Variants in MYRIP observed in about 807,000 individuals in gnomAD.
MYRIP encodes the protein rab effector MyRIP.
In MYRIP, 49 loss-of-function variants were observed where a neutral mutation model predicts 98.0. The ratio of observed to expected loss-of-function variants is 0.50; its 90% CI spans 0.40 to 0.63. The LOEUF (loss-of-function observed/expected upper bound fraction) is 0.63. Among genes scored for constraint, MYRIP ranks in the 30% least tolerant of loss-of-function variants. The probability of loss-of-function intolerance (pLI) is 0.00; values close to 1 mark genes in which losing one functional copy is unlikely to be tolerated. For synonymous variants in MYRIP, 404 were observed against 409.5 expected (o/e 0.99, Z 0.16); for missense variants, 1,004 against 1,058.2 (o/e 0.95, Z 0.71).
intron 11 of MYRIP, among the ~76,000 whole-genome samples, chr3:40,213,648 T>G (rs1021707742): frequency 2.6e-4 from 39 of 149,338 alleles, no homozygotes; most frequent in Non-Finnish European, 5.0e-4. Flanking sequence ...ACACACTCTT[T>G]GGGGAGTAGA....
intron 10 of MYRIP, among the ~76,000 whole-genome samples, chr3:40,190,764 C>T (rs1319223916): frequency 6.6e-6 from 1 of 152,188 alleles, no homozygotes; most frequent in Non-Finnish European, 1.5e-5. Context: ...AGATTCTGGG[C>T]ATGGGACCCA....
At chr3:39,811,590 C>T (rs2371088) in intron 1 of MYRIP, among the ~76,000 whole-genome samples, 151,809 of 152,030 alleles carry the variant, frequency 1, 75,794 homozygotes, top group Middle Eastern at 1. Flanking sequence ...AATTACCCAC[C>T]ACTACCTCCA....
intron 3 of MYRIP, among the ~76,000 whole-genome samples, chr3:40,085,339 T>G (rs1197191321): frequency 6.6e-6 from 1 of 152,178 alleles, no homozygotes; most frequent in Non-Finnish European, 1.5e-5. Context: ...CAGGCTGGAG[T>G]GCAGTGGCGC....
At chr3:39,853,967 A>G (rs186352370) in intron 1 of MYRIP, among the ~76,000 whole-genome samples, 3 of 152,126 alleles carry the variant, frequency 2.0e-5, no homozygotes, top group Non-Finnish European at 4.4e-5. Flanking sequence ...ACTCTTCTCC[A>G]TGTGGCTTGC....
intron 2 of MYRIP, among the ~76,000 whole-genome samples, chr3:39,905,698 G>A (rs1313898729): frequency 1.3e-5 from 2 of 152,122 alleles, no homozygotes; most frequent in African/African-American, 4.8e-5. Flanking sequence ...TGAGTCTCCT[G>A]TTTTGTTCAT....
At chr3:39,998,954 T>C (rs977305289) in intron 2 of MYRIP, among the ~76,000 whole-genome samples, 3 of 152,184 alleles carry the variant, frequency 2.0e-5, no homozygotes, top group Non-Finnish European at 2.9e-5. Flanking sequence ...TAAATGGGGC[T>C]GGGAAAACTG....
At chr3:40,141,194 C>T (rs574618983) in intron 3 of MYRIP, among the ~76,000 whole-genome samples, 2 of 152,258 alleles carry the variant, frequency 1.3e-5, no homozygotes, top group African/African-American at 4.8e-5. Context: ...GACTTATTTA[C>T]AATGGAGTAC....
At chr3:40,201,624 A>T (rs1575623644) in intron 10 of MYRIP, among the ~76,000 whole-genome samples, 2 of 152,142 alleles carry the variant, frequency 1.3e-5, no homozygotes, top group Admixed American at 1.3e-4. Context: ...CTTCCACATG[A>T]TGGGTTCTCC....
At chr3:39,925,848 G>T in intron 2 of MYRIP, among the ~76,000 whole-genome samples, 1 of 152,124 alleles carries the variant, frequency 6.6e-6, no homozygotes, top group Non-Finnish European at 1.5e-5. Flanking sequence ...TATATACCCA[G>T]TAGTGGGATG....
At position 39,885,861 on chromosome 3, in the gene MYRIP, C is replaced by T. The variant is rs557666518; in HGVS notation, c.-30-14926C>T. ...TTTCAGCTCCATCAGCTCCTTTAAG[C>T]ACTTCTCTGTGTTGGTTATTCTAGT... On this transcript the variant is annotated intron_variant, in intron 1 of 16. Coordinates refer to ENST00000302541, the MANE Select transcript of MYRIP (RefSeq NM_015460.4). Among the ~76,000 whole-genome samples the T allele has an allele frequency of 2.6e-3, 390 of 152,136 alleles. 1 individual carries two copies. Among genetic ancestry groups the T allele is most frequent in the African/African-American group, 9.0e-3 (372 of 41,500 alleles).
chr3:40,125,348 G>T (rs1343582625), intron 3 of MYRIP, among the ~76,000 whole-genome samples: 1 of 152,236 alleles, frequency 6.6e-6, no homozygotes, highest in Non-Finnish European at 1.5e-5. Flanking sequence ...AGAACTTGGA[G>T]TCTGATGTTC....
chr3:40,197,837 T>G (rs1043312288), intron 10 of MYRIP, among the ~76,000 whole-genome samples: 4 of 152,234 alleles, frequency 2.6e-5, no homozygotes, highest in African/African-American at 9.6e-5. Context: ...ACTTTTCCTG[T>G]TAGCAGTTCT....
At chr3:40,205,566 T>A (rs1162305403) in intron 10 of MYRIP, among the ~76,000 whole-genome samples, 1 of 152,202 alleles carries the variant, frequency 6.6e-6, no homozygotes, top group Non-Finnish European at 1.5e-5. Flanking sequence ...TTCAGATTAC[T>A]TAAAATGTTT....
intron 10 of MYRIP, among the ~76,000 whole-genome samples, chr3:40,192,341 G>GTCATATATATATATATA (rs1951255625): frequency 6.5e-5 from 3 of 45,828 alleles, no homozygotes; most frequent in South Asian, 9.3e-4. Context: ...ATATATATAT[G>GTCATATATATATATATA]TCATATATAT....
At chr3:39,825,361 T>C (rs555721583) in intron 1 of MYRIP, among the ~76,000 whole-genome samples, 1 of 152,266 alleles carries the variant, frequency 6.6e-6, no homozygotes, top group African/African-American at 2.4e-5. Flanking sequence ...GTTGATGCAC[T>C]TTCCTTCTAT....
chr3:39,891,113 T>A (rs993063436), intron 1 of MYRIP, among the ~76,000 whole-genome samples: 6 of 152,144 alleles, frequency 3.9e-5, no homozygotes, highest in African/African-American at 1.4e-4. Context: ...TCCCAGTTGC[T>A]TTTTAAACAA....
intron 10 of MYRIP, among the ~76,000 whole-genome samples, chr3:40,192,784 C>T (rs1249130476): frequency 6.6e-6 from 1 of 152,138 alleles, no homozygotes; most frequent in Non-Finnish European, 1.5e-5. Context: ...CTCAAAGCAG[C>T]GCCTCCCCAA....
intron 1 of MYRIP, among the ~76,000 whole-genome samples, chr3:39,850,936 C>G (rs191302165): frequency 5.6e-4 from 85 of 151,934 alleles, no homozygotes; most frequent in African/African-American, 1.8e-3. Flanking sequence ...TGCAGGGGAT[C>G]CATATTAAAA....
Position 39,843,396 on chromosome 3 carries a change from A to G in MYRIP, c.-31+33480A>G, listed in dbSNP as rs188873520. On this transcript the variant is annotated intron_variant, in intron 1 of 16. Coordinates refer to ENST00000302541, the MANE Select transcript of MYRIP (RefSeq NM_015460.4). ...AAAAGACAAGAAAGAAAAAGAAAAA[A>G]AGAAACTTATTTATTGCATTTGGGC... 7.9e-5 allele frequency among the ~76,000 whole-genome samples: 12 copies of G among 152,344 alleles called. No homozygotes were observed. In the East Asian group the frequency reaches 2.3e-3, roughly 29 times the overall value.
Sources: gnomAD v4.1 joint callset for allele counts (sites outside exome capture counted in the v4.1 genomes callset) on GRCh38, gnomAD v4.1.1 for gene constraint, MANE v1.5 for transcripts, NCBI Gene and HGNC (gene_info 2026-07-23, HGNC 2026-07-21) for gene names.